The following TENM1 variants were observed in gnomAD, a reference collection of about 807,000 sequenced individuals.
TENM1 encodes the protein teneurin-1.
A neutral mutation model predicts 174.8 loss-of-function variants in TENM1; 35 were observed. The observed-to-expected ratio is 0.20, with a 90% confidence interval of 0.15 to 0.27. TENM1 has a LOEUF of 0.27. TENM1 is among the 10% of genes least tolerant of loss of function. The pLI is 1.00. For synonymous variants in TENM1, 781 were observed against 798.7 expected, an observed-to-expected ratio of 0.98 and a Z score of 0.37; for missense variants, 1,633 against 2,130.1, an observed-to-expected ratio of 0.77 and a Z score of 4.59.
At chrX:124,674,257 G>A (rs753167877) in intron 5 of TENM1, among the ~76,000 whole-genome samples, 1 of 71,473 alleles carries the variant, frequency 1.4e-5, no homozygotes, top group African/African-American at 5.7e-5. Context: ...CCTCTTGTTT[G>A]TTTTCTCATT....
chrX:124,704,925 G>T, intron 5 of TENM1, 88 bp downstream of exon 8: 1 of 687,490 alleles, frequency 1.5e-6, no homozygotes, highest in Non-Finnish European at 2.3e-6. Context: ...GTACATGCCA[G>T]AATCGAGAGA....
At chrX:125,072,562 G>T in the TENM1 span, among the ~76,000 whole-genome samples, 1 of 111,535 alleles carries the variant, frequency 9.0e-6, no homozygotes, top group East Asian at 2.8e-4. Flanking sequence ...ATTAGGCAAG[G>T]TTTGGGACTA....
chrX:124,816,265 C>CA (rs1008300901), intron 3 of TENM1, among the ~76,000 whole-genome samples: 1 of 110,784 alleles, frequency 9.0e-6, no homozygotes, highest in African/African-American at 3.3e-5. Context: ...GACCAATTTG[C>CA]AAAAAAAGTT....
intron 3 of TENM1, among the ~76,000 whole-genome samples, chrX:124,878,683 T>C (rs2057250693): frequency 1.8e-5 from 2 of 111,587 alleles, no homozygotes; most frequent in African/African-American, 6.5e-5. Flanking sequence ...GAACCATATG[T>C]CAAATAAACC....
the TENM1 span, among the ~76,000 whole-genome samples, chrX:124,984,726 C>T: frequency 8.9e-6 from 1 of 112,263 alleles, no homozygotes; most frequent in African/African-American, 3.2e-5. Context: ...ATTCTCTCTC[C>T]TCCTCAGCCT....
At chrX:124,809,412 A>G (rs1332432697) in intron 3 of TENM1, among the ~76,000 whole-genome samples, 1 of 111,446 alleles carries the variant, frequency 9.0e-6, no homozygotes. Flanking sequence ...CCAGGTGAAC[A>G]CAGATGCAAA....
At chrX:124,746,497 T>G (rs938876925) in intron 3 of TENM1, among the ~76,000 whole-genome samples, 6 of 111,764 alleles carry the variant, frequency 5.4e-5, no homozygotes, top group Admixed American at 4.8e-4. Context: ...GCTATGCATA[T>G]TTAAGTCATT....
At chrX:124,968,125 C>T (rs1445908201), upstream of TENM1, among the ~76,000 whole-genome samples, 6 of 111,480 alleles carry the variant, frequency 5.4e-5, no homozygotes, top group Admixed American at 4.8e-4. Context: ...CTTTGAAAAA[C>T]GTGCTTAGTT....
the TENM1 span, among the ~76,000 whole-genome samples, chrX:124,988,915 A>C: frequency 8.9e-6 from 1 of 112,039 alleles, no homozygotes; most frequent in South Asian, 3.6e-4. Context: ...AACTTCCTTA[A>C]CCTGTAAAGG....
chrX:125,028,713 G>A, the TENM1 span, among the ~76,000 whole-genome samples: 2 of 111,540 alleles, frequency 1.8e-5, no homozygotes, highest in East Asian at 5.6e-4. Flanking sequence ...TATCAGAAAT[G>A]TTCACAATGA....
At chrX:124,646,594 G>T in intron 9 of TENM1, 115 bp downstream of exon 12, 1 of 514,346 alleles carries the variant, frequency 1.9e-6, no homozygotes, top group Non-Finnish European at 3.2e-6. Flanking sequence ...AGGGAACACT[G>T]CTGCTGTTGC....
At chrX:124,587,073 T>C (rs1265668273) in intron 11 of TENM1, among the ~76,000 whole-genome samples, 31 of 108,384 alleles carry the variant, frequency 2.9e-4, no homozygotes, top group African/African-American at 9.7e-4. Flanking sequence ...TCCATGCTCA[T>C]GGGTAGGAAG....
At chrX:124,541,633 T>C (rs2048322245) in intron 15 of TENM1, among the ~76,000 whole-genome samples, 1 of 111,882 alleles carries the variant, frequency 8.9e-6, no homozygotes, top group African/African-American at 3.3e-5. Context: ...TTTATAGCAA[T>C]GTGAGAATGA....
intron 3 of TENM1, among the ~76,000 whole-genome samples, chrX:124,742,658 C>G (rs1410268400): frequency 1.8e-5 from 2 of 110,882 alleles, no homozygotes; most frequent in Non-Finnish European, 3.8e-5. Context: ...ATATGTACAG[C>G]AGCACCTTTG....
chrX:124,443,042 CTATGTGTGTGTG>C (rs1186258682), intron 23 of TENM1, among the ~76,000 whole-genome samples: 453 of 42,153 alleles, frequency 0.011, 2 homozygotes, highest in South Asian at 0.016. Context: ...GCCTGGATGA[CTATGTGTGTGTG>C]TGTGTGTGTG....
At chrX:124,430,981 G>A (rs987797058) in intron 23 of TENM1, among the ~76,000 whole-genome samples, 1 of 111,496 alleles carries the variant, frequency 9.0e-6, no homozygotes, top group Non-Finnish European at 1.9e-5. Flanking sequence ...TACCATGCTA[G>A]GCACTAAGGA....
chrX:124,452,908 G>GT (rs1556640480), intron 23 of TENM1, among the ~76,000 whole-genome samples: 1 of 108,557 alleles, frequency 9.2e-6, no homozygotes, highest in Non-Finnish European at 1.9e-5. Flanking sequence ...TATACCTAAT[G>GT]TAAATGACAA....
chrX:124,575,458 A>G (rs1445256900), intron 11 of TENM1, among the ~76,000 whole-genome samples: 1 of 112,088 alleles, frequency 8.9e-6, no homozygotes, highest in Non-Finnish European at 1.9e-5. Context: ...CAAGCAGCAT[A>G]ACAACAGCGA....
At chrX:125,112,866 G>A in the TENM1 span, among the ~76,000 whole-genome samples, 1 of 111,221 alleles carries the variant, frequency 9.0e-6, no homozygotes, top group Non-Finnish European at 1.9e-5. Context: ...AACTTGTTAA[G>A]ATACCAGTTT....
Sources: gnomAD v4.1 joint callset for allele counts (sites outside exome capture counted in the v4.1 genomes callset) on GRCh38, gnomAD v4.1.1 for gene constraint, MANE v1.5 for transcripts, NCBI Gene and HGNC (gene_info 2026-07-23, HGNC 2026-07-21) for gene names.